MKX: variants seen among roughly 807,000 people sequenced by gnomAD.
The protein encoded by MKX is mohawk homeobox.
MKX carries 13 observed loss-of-function variants against 36.0 expected under a neutral mutation model. That is an observed-to-expected ratio of 0.36 (90% CI 0.24 to 0.57). The LOEUF is 0.57. Among genes scored for constraint, MKX ranks in the 20% least tolerant of loss-of-function variants. The pLI, the probability that MKX is intolerant of heterozygous loss-of-function variation, is 0.79. For missense variants in MKX, 458 were observed against 456.4 expected (o/e 1.00, Z -0.03); for synonymous variants, 176 against 178.3 (o/e 0.99, Z 0.10).
intron 5 of MKX, among the ~76,000 whole-genome samples, chr10:27,700,293 A>G (rs1836627983): frequency 6.6e-6 from 1 of 152,188 alleles, no homozygotes; most frequent in African/African-American, 2.4e-5. Context: ...AACCATCAAG[A>G]TTTCAAGGAA....
intron 5 of MKX, among the ~76,000 whole-genome samples, chr10:27,679,539 T>C (rs1441348516): frequency 1.3e-5 from 2 of 152,234 alleles, no homozygotes; most frequent in Non-Finnish European, 2.9e-5. Context: ...TGCCACCTCC[T>C]GTGGAGTAAC....
intron 5 of MKX, among the ~76,000 whole-genome samples, chr10:27,722,592 G>A (rs972230323): frequency 1.3e-5 from 2 of 152,156 alleles, no homozygotes; most frequent in Non-Finnish European, 2.9e-5. Flanking sequence ...GATTTCTAAG[G>A]CATTGCTCTC....
At chr10:27,720,656 A>G (rs1439612820) in intron 5 of MKX, among the ~76,000 whole-genome samples, 2 of 152,190 alleles carry the variant, frequency 1.3e-5, no homozygotes, top group African/African-American at 4.8e-5. Flanking sequence ...CCTTAACTCA[A>G]TAAAGTGATT....
At chr10:27,722,992 T>G (rs1043498490) in intron 5 of MKX, among the ~76,000 whole-genome samples, 3 of 152,154 alleles carry the variant, frequency 2.0e-5, no homozygotes, top group Non-Finnish European at 4.4e-5. Flanking sequence ...AGTTGAGCTT[T>G]TTTATATTTT....
At chr10:27,710,296 G>A (rs749831256) in intron 5 of MKX, among the ~76,000 whole-genome samples, 3 of 152,212 alleles carry the variant, frequency 2.0e-5, no homozygotes, top group Non-Finnish European at 4.4e-5. Flanking sequence ...ATGAGCTAGG[G>A]CTTGATTTGT....
chr10:27,721,970 A>G (rs1834390016), intron 5 of MKX, among the ~76,000 whole-genome samples: 2 of 152,130 alleles, frequency 1.3e-5, no homozygotes, highest in Non-Finnish European at 2.9e-5. Context: ...TTTGGTGGAG[A>G]AAAAAGTAGT....
chr10:27,682,265 TAA>T (rs1293054141), intron 5 of MKX, among the ~76,000 whole-genome samples: 1 of 152,222 alleles, frequency 6.6e-6, no homozygotes, highest in Non-Finnish European at 1.5e-5. Flanking sequence ...TGTTTTAAGC[TAA>T]GTGTTATTAC....
In MKX at chr10:27,734,655, C is replaced by T. The variant is rs896486759; in HGVS notation, c.639G>A (p.Val213=). 6.2e-7 allele frequency: 1 copy of T among 1,614,080 alleles called. No individual in the cohort carries two copies. Among genetic ancestry groups the T allele is most frequent in the Non-Finnish European group, 8.5e-7 (1 of 1,180,016 alleles). ...RPESRASEDY[V]APPKYKSSLL... is the part of the protein sequence containing the mutation. ...AGCTGCTCTTGTATTTGGGGGGTGC[C>T]ACGTAGTCCTCACTGGCCCGTGACT... The change falls in exon 5 of 7, where the codon GTG becomes GTA. Residue 213 remains valine (V), a synonymous_variant. Coordinates refer to ENST00000419761, the MANE Select transcript of MKX (RefSeq NM_173576.3).
intron 5 of MKX, among the ~76,000 whole-genome samples, chr10:27,721,017 T>A (rs529365197): frequency 6.6e-6 from 1 of 152,168 alleles, no homozygotes; most frequent in South Asian, 2.1e-4. Context: ...TAATGAGAAA[T>A]ATCCCAACCC....
chr10:27,676,203 G>A (rs556532357), intron 5 of MKX, among the ~76,000 whole-genome samples: 25 of 151,796 alleles, frequency 1.6e-4, no homozygotes, highest in African/African-American at 5.3e-4. Context: ...GAGCCCAGGG[G>A]GGTGAAGGTG....
At chr10:27,713,098 C>T (rs569420365) in intron 5 of MKX, among the ~76,000 whole-genome samples, 3 of 152,226 alleles carry the variant, frequency 2.0e-5, no homozygotes, top group South Asian at 2.1e-4. Flanking sequence ...TCTGAATCCA[C>T]GCGATGAGGA....
chr10:27,678,293 G>GA (rs939424219), intron 5 of MKX, among the ~76,000 whole-genome samples: 124 of 151,250 alleles, frequency 8.2e-4, no homozygotes, highest in African/African-American at 2.7e-3. Context: ...TTTTACAGAG[G>GA]AAAAAAAAAT....
At chr10:27,720,214 C>T (rs1473115479) in intron 5 of MKX, among the ~76,000 whole-genome samples, 2 of 151,728 alleles carry the variant, frequency 1.3e-5, no homozygotes, top group East Asian at 3.9e-4. Context: ...AGAGTTAATG[C>T]TAACTTTATT....
chr10:27,685,729 C>T (rs1448911000), intron 5 of MKX, among the ~76,000 whole-genome samples: 3 of 152,300 alleles, frequency 2.0e-5, no homozygotes, highest in South Asian at 2.1e-4. Flanking sequence ...GGATTACAGG[C>T]GTCAGCCACC....
chr10:27,675,635 A>T lies in MKX; in HGVS notation c.839-81T>A, dbSNP rs2132481987. 5 of 1,325,360 alleles carry T rather than the reference A, an allele frequency of 3.8e-6. No individual in the cohort carries two copies. In the East Asian group the frequency reaches 1.2e-4, roughly 32 times the overall value. 82.1% of individuals were successfully genotyped at this position (1,325,360 alleles called of 1,614,324 possible). A position where few individuals can be genotyped will look rare whatever the true frequency, so the allele number is the denominator to read the frequency against. On this transcript the variant is annotated intron_variant, in intron 5 of 6. Transcript: ENST00000419761. ...CTCAGGAGTTTCATCACTAATGACCAGAAGTAAAAGTTCTTCAGGAAATAT... is the reference window on the plus strand; with the variant it reads ...CTCAGGAGTTTCATCACTAATGACCTGAAGTAAAAGTTCTTCAGGAAATAT...
chr10:27,743,149 C>T, intron 2 of MKX, 79 bp downstream of exon 2: 1 of 1,326,196 alleles, frequency 7.5e-7, no homozygotes, highest in Non-Finnish European at 9.7e-7. Flanking sequence ...GCCCGCGTTG[C>T]CACGGGACCC....
rs1438331105 is a variant in MKX at position 27,742,663 on chromosome 10, C to T, written c.188+565G>A. On this transcript the variant is annotated intron_variant, in intron 2 of 6. Transcript: ENST00000419761. The surrounding 1 kb of genome is among the most constrained non-coding windows in gnomAD (Gnocchi z 4.2). Reference sequence around the variant, plus strand: ...ACCCCGCTAAACTCAAACCCGGCCCCGCAGGCCCGGGGCCTCCCCCTCCGG... The same window carrying T: ...ACCCCGCTAAACTCAAACCCGGCCCTGCAGGCCCGGGGCCTCCCCCTCCGG... Among the ~76,000 whole-genome samples the T allele has an allele frequency of 1.3e-5, 2 of 151,948 alleles. No individual in the cohort carries two copies. Among genetic ancestry groups the T allele is most frequent in the African/African-American group, 4.8e-5 (2 of 41,388 alleles).
intron 5 of MKX, among the ~76,000 whole-genome samples, chr10:27,677,055 G>T (rs2815552): frequency 0.5 from 75,891 of 151,946 alleles, 21,500 homozygotes; most frequent in Non-Finnish European, 0.65. Flanking sequence ...AGGGTGGTAG[G>T]AGAGAGGCTA....
At chr10:27,679,663 G>A (rs1836217776) in intron 5 of MKX, among the ~76,000 whole-genome samples, 1 of 152,218 alleles carries the variant, frequency 6.6e-6, no homozygotes, top group Non-Finnish European at 1.5e-5. Flanking sequence ...AGATCTGGGA[G>A]TCTGGGGAGT....
Sources: gnomAD v4.1 joint callset for allele counts (sites outside exome capture counted in the v4.1 genomes callset) on GRCh38, gnomAD v4.1.1 for gene constraint, Gnocchi (gnomAD v3.1) non-coding constraint, MANE v1.5 for transcripts, NCBI Gene and HGNC (gene_info 2026-07-23, HGNC 2026-07-21) for gene names.